KLF12: variants seen among roughly 807,000 people sequenced by gnomAD.
KLF12 encodes the protein Krueppel-like factor 12.
In KLF12, 9 loss-of-function variants were observed where a neutral mutation model predicts 37.8. The ratio of observed to expected loss-of-function variants is 0.24; its 90% CI spans 0.14 to 0.42. The LOEUF is 0.42. Among genes scored for constraint, KLF12 ranks in the 10% least tolerant of loss-of-function variants. The pLI is 1.00. For missense variants in KLF12, 411 were observed against 516.0 expected (o/e 0.80, Z 1.97); for synonymous variants, 208 against 202.1 (o/e 1.03, Z -0.25).
intron 1 of KLF12, among the ~76,000 whole-genome samples, chr13:74,110,544 G>A (rs1233564727): frequency 6.6e-6 from 1 of 152,114 alleles, no homozygotes; most frequent in African/African-American, 2.4e-5. Context: ...GCTTTCTACA[G>A]AGTTTTTCTG....
chr13:74,180,666 G>A, the KLF12 span, among the ~76,000 whole-genome samples: 1 of 152,148 alleles, frequency 6.6e-6, no homozygotes, highest in African/African-American at 2.4e-5. Context: ...AGCACACTTA[G>A]GTTTTGACTC....
chr13:73,871,186 C>T (rs1016909640), intron 3 of KLF12, among the ~76,000 whole-genome samples: 3 of 152,100 alleles, frequency 2.0e-5, no homozygotes, highest in African/African-American at 4.8e-5. Flanking sequence ...GTTGCAGAGT[C>T]GAGTTACTAG....
chr13:73,806,226 CCT>C (rs1362832626), intron 5 of KLF12, among the ~76,000 whole-genome samples: 2 of 151,970 alleles, frequency 1.3e-5, no homozygotes, highest in Non-Finnish European at 2.9e-5. Flanking sequence ...GCCTCAGCCC[CCT>C]GAGTTGCTGG....
chr13:73,969,200 T>C (rs143170257), intron 2 of KLF12, among the ~76,000 whole-genome samples: 128 of 152,248 alleles, frequency 8.4e-4, no homozygotes, highest in African/African-American at 2.9e-3. Flanking sequence ...AGCTACCTTT[T>C]TGGAGGTTCT....
At chr13:73,984,777 A>G (rs1891780944) in intron 2 of KLF12, among the ~76,000 whole-genome samples, 1 of 152,206 alleles carries the variant, frequency 6.6e-6, no homozygotes, top group Non-Finnish European at 1.5e-5. Flanking sequence ...AGTTCCAGAA[A>G]AACAAAACGT....
intron 4 of KLF12, among the ~76,000 whole-genome samples, chr13:73,824,261 T>A (rs1321066329): frequency 2.0e-5 from 3 of 152,112 alleles, no homozygotes; most frequent in Non-Finnish European, 4.4e-5. Context: ...AAAGTGCCAT[T>A]GAGATGAGCC....
rs557484747 is a variant in KLF12, at chr13:74,067,834, G to A, written c.-32+65905C>T. 2.0e-5 allele frequency among the ~76,000 whole-genome samples: 3 copies of A among 152,336 alleles called. No homozygotes were observed. In the East Asian group the frequency reaches 5.8e-4, roughly 29 times the overall value. On this transcript the variant is annotated intron_variant, in intron 1 of 7. Coordinates refer to ENST00000377669, the MANE Select transcript of KLF12 (RefSeq NM_007249.5). Reference sequence around the variant, plus strand: ...TAACATTTTTATAAATGATGTCAGGGAAGGGGTATACAGGAAAGTAGGCAA... The same window carrying A: ...TAACATTTTTATAAATGATGTCAGGAAAGGGGTATACAGGAAAGTAGGCAA...
intron 1 of KLF12, among the ~76,000 whole-genome samples, chr13:74,053,936 T>G (rs932332731): frequency 6.6e-6 from 1 of 152,156 alleles, no homozygotes; most frequent in African/African-American, 2.4e-5. Context: ...TTCTGTGGGA[T>G]TAATGGGTAC....
intron 1 of KLF12, among the ~76,000 whole-genome samples, chr13:74,010,114 T>C (rs906650579): frequency 6.6e-6 from 1 of 152,086 alleles, no homozygotes; most frequent in African/African-American, 2.4e-5. Flanking sequence ...CACACCTGGC[T>C]GATTTTTTGG....
chr13:73,920,158 T>C (rs1173281418), intron 3 of KLF12, among the ~76,000 whole-genome samples: 2 of 152,198 alleles, frequency 1.3e-5, no homozygotes, highest in Admixed American at 1.3e-4. Flanking sequence ...TGCTTGTGCA[T>C]GCAAATTAAT....
intron 5 of KLF12, among the ~76,000 whole-genome samples, chr13:73,768,337 G>T (rs1182832677): frequency 6.6e-6 from 1 of 152,210 alleles, no homozygotes; most frequent in African/African-American, 2.4e-5. Context: ...GTGCTGATTA[G>T]ACATGAAAGG....
At chr13:74,133,267 G>C (rs1269258999) in intron 1 of KLF12, among the ~76,000 whole-genome samples, 1 of 152,022 alleles carries the variant, frequency 6.6e-6, no homozygotes, top group Non-Finnish European at 1.5e-5. Flanking sequence ...CCGGTGCGGA[G>C]CTATTCATCC....
intron 6 of KLF12, among the ~76,000 whole-genome samples, chr13:73,735,817 C>T (rs942297479): frequency 6.6e-6 from 1 of 152,148 alleles, no homozygotes; most frequent in Non-Finnish European, 1.5e-5. Flanking sequence ...ACCCACGTCA[C>T]ATAAAAACTG....
chr13:73,872,598 G>A (rs934751313), intron 3 of KLF12, among the ~76,000 whole-genome samples: 23 of 152,254 alleles, frequency 1.5e-4, no homozygotes, highest in Non-Finnish European at 2.5e-4. Flanking sequence ...GAGAAGGAAG[G>A]AGAGTAAATC....
At chr13:74,067,837 G>A (rs1393549918) in intron 1 of KLF12, among the ~76,000 whole-genome samples, 1 of 152,214 alleles carries the variant, frequency 6.6e-6, no homozygotes, top group Admixed American at 6.5e-5. Flanking sequence ...TGTCAGGGAA[G>A]GGGTATACAG....
rs150283845 is a variant in KLF12, at chr13:73,696,264, C to A, written c.1028-593G>T. On this transcript the variant is annotated intron_variant, in intron 7 of 7. Transcript: ENST00000377669. ...TTCTTTGGGGGAAAATCCTAGATGC[C>A]TTAATAGTGTAAAGTTTAAGTACAT... Among the ~76,000 whole-genome samples the A allele has an allele frequency of 2.6e-3, 391 of 152,070 alleles. 2 individuals are homozygous for A. The highest frequency in any genetic ancestry group is 8.6e-3 in the African/African-American group (355 of 41,494).
chr13:73,991,468 A>G (rs1338621476), intron 2 of KLF12, among the ~76,000 whole-genome samples: 2 of 152,246 alleles, frequency 1.3e-5, no homozygotes, highest in South Asian at 2.1e-4. Flanking sequence ...TAAAAAACAA[A>G]TAATATCAAT....
At chr13:73,834,617 T>A (rs1303042652) in intron 4 of KLF12, among the ~76,000 whole-genome samples, 5 of 152,186 alleles carry the variant, frequency 3.3e-5, no homozygotes, top group African/African-American at 9.6e-5. Context: ...TTCAGCCAAT[T>A]CCTGTGCCTC....
At chr13:73,882,355 C>T (rs183255381) in intron 3 of KLF12, among the ~76,000 whole-genome samples, 1 of 152,240 alleles carries the variant, frequency 6.6e-6, no homozygotes, top group East Asian at 1.9e-4. Context: ...ATAGTCACAG[C>T]ATATACTGAA....
Sources: allele counts gnomAD v4.1 joint callset (sites outside exome capture counted in the v4.1 genomes callset), GRCh38; gene constraint gnomAD v4.1.1; transcripts MANE v1.5; gene names NCBI Gene and HGNC (gene_info 2026-07-23, HGNC 2026-07-21).